NDRG4: variants seen among roughly 807,000 people sequenced by gnomAD.
The protein encoded by NDRG4 is protein NDRG4.
In NDRG4, 38 loss-of-function variants were observed where a neutral mutation model predicts 55.8. The observed-to-expected ratio is 0.68, with a 90% CI of 0.53 to 0.89. NDRG4 has a LOEUF of 0.89. NDRG4 is among the 40% of genes least tolerant of loss of function. The pLI is 0.00. For synonymous variants in NDRG4, 190 were observed against 182.7 expected (o/e 1.04, Z -0.32); for missense variants, 455 against 468.6 (o/e 0.97, Z 0.27).
At chr16:58,489,065 G>A (rs919557328) in intron 2 of NDRG4, among the ~76,000 whole-genome samples, 3 of 152,068 alleles carry the variant, frequency 2.0e-5, no homozygotes, top group Middle Eastern at 3.2e-3. Flanking sequence ...TTGGGAGGCC[G>A]AGGTGGGCAG....
upstream of NDRG4, chr16:58,500,063 T>C: frequency 6.8e-7 from 1 of 1,463,274 alleles, no homozygotes; most frequent in East Asian, 2.6e-5. Flanking sequence ...GAGTGGCTGC[T>C]CAGAAACCCT....
At chr16:58,491,418 T>C (rs2035774182) in intron 2 of NDRG4, among the ~76,000 whole-genome samples, 1 of 152,022 alleles carries the variant, frequency 6.6e-6, no homozygotes, top group African/African-American at 2.4e-5. Flanking sequence ...CGATTCTCCT[T>C]TTCCAGCTGC....
rs758068015 is a variant in NDRG4 at position 58,507,871 on chromosome 16, G to A, written c.677+7G>A. On this transcript the variant is annotated splice_region_variant and intron_variant, in intron 9 of 14. Coordinates refer to ENST00000570248, the MANE Select transcript of NDRG4 (RefSeq NM_001242835.2). ...CCAATGCCAAGACGCTCCGGTGAGT[G>A]GCCCCTGGCCCTCTGGCCTGCCCTG... The A allele has an allele frequency of 1.9e-6, 3 of 1,614,034 alleles. No homozygotes were observed. The highest frequency in any genetic ancestry group is 2.5e-6 in the Non-Finnish European group (3 of 1,179,992).
intron 7 of NDRG4, 47 bp from the exon 8 acceptor site, chr16:58,506,865 C>T (rs1567349807): frequency 1.3e-6 from 2 of 1,546,734 alleles, no homozygotes; most frequent in East Asian, 2.3e-5. Flanking sequence ...AGCCTGCGTC[C>T]CTCTGTCTGC....
intron 1 of NDRG4, among the ~76,000 whole-genome samples, chr16:58,479,909 C>T (rs4784044): frequency 0.78 from 119,251 of 152,078 alleles, 49,598 homozygotes; most frequent in Non-Finnish European, 0.92. Flanking sequence ...TCCAGACCTT[C>T]GCCCACTTTT....
rs1289044311 is a variant in NDRG4, at chr16:58,511,707, G to A, written c.*131G>A. The A allele has an allele frequency of 3.6e-6, 4 of 1,105,616 alleles. No individual in the cohort carries two copies. The highest frequency in any genetic ancestry group is 3.8e-5 in the Admixed American group (2 of 52,946). 68.5% of individuals were successfully genotyped at this position (1,105,616 alleles called of 1,614,324 possible). Reference sequence around the variant, plus strand: ...GGGGTTCTGTTTGAAAAAAATGAGGGGATCTTAGATGCTGCAGCAGAACAG... The same window carrying A: ...GGGGTTCTGTTTGAAAAAAATGAGGAGATCTTAGATGCTGCAGCAGAACAG... On this transcript the variant is annotated 3_prime_UTR_variant, in exon 15 of 15. Transcript: ENST00000570248.
chr16:58,474,396 C>G (rs1044845438), intron 1 of NDRG4, among the ~76,000 whole-genome samples: 6 of 152,188 alleles, frequency 3.9e-5, no homozygotes, highest in African/African-American at 1.4e-4. Context: ...GCGCCTGCCT[C>G]CTGGCCTTTG....
intron 5 of NDRG4, among the ~76,000 whole-genome samples, chr16:58,505,241 C>T (rs980147341): frequency 1.2e-4 from 18 of 151,394 alleles, no homozygotes; most frequent in African/African-American, 1.5e-4. Context: ...CCCAGCTACT[C>T]GGGAGGCTGA....
intron 1 of NDRG4, among the ~76,000 whole-genome samples, chr16:58,475,419 G>T (rs558054864): frequency 6.6e-6 from 1 of 152,140 alleles, no homozygotes; most frequent in Admixed American, 6.5e-5. Context: ...GGAAGTTGCA[G>T]GTTTGCTCTA....
intron 1 of NDRG4, among the ~76,000 whole-genome samples, chr16:58,465,664 T>C (rs998627750): frequency 6.6e-6 from 1 of 152,072 alleles, no homozygotes; most frequent in African/African-American, 2.4e-5. Context: ...TTTGTGAGGC[T>C]GAGGCCAGAG....
In NDRG4 at chr16:58,506,632, T is replaced by G; in HGVS notation, c.516+18T>G. ...TCAGCCAGGTAAGGGGGGGAACTTC[T>G]GCAGATCTGGGGTGATCTGGGATTT... On this transcript the variant is annotated intron_variant, in intron 7 of 14. Transcript: ENST00000570248. The G allele has an allele frequency of 6.5e-7, 1 of 1,546,320 alleles. No homozygotes were observed. Among genetic ancestry groups the G allele is most frequent in the Non-Finnish European group, 8.7e-7 (1 of 1,146,968 alleles).
At chr16:58,487,539 C>G (rs12599041) in intron 1 of NDRG4, among the ~76,000 whole-genome samples, 5 of 152,206 alleles carry the variant, frequency 3.3e-5, no homozygotes. Flanking sequence ...AAAAGAAAAA[C>G]GGAAAAACAA....
intron 2 of NDRG4, among the ~76,000 whole-genome samples, chr16:58,491,928 T>A (rs1169677922): frequency 6.6e-6 from 1 of 152,166 alleles, no homozygotes; most frequent in Non-Finnish European, 1.5e-5. Context: ...ACTACAGGCA[T>A]GCACCACCAT....
At chr16:58,475,720 T>C (rs2033532298) in intron 1 of NDRG4, 1 of 452,136 alleles carries the variant, frequency 2.2e-6, no homozygotes, top group Admixed American at 2.4e-5. Context: ...CCTTTGAGCC[T>C]AAAATGGCTG....
At chr16:58,480,104 T>G (rs931421750) in intron 1 of NDRG4, among the ~76,000 whole-genome samples, 1 of 152,270 alleles carries the variant, frequency 6.6e-6, no homozygotes, top group Admixed American at 6.5e-5. Context: ...AGGCTGCATC[T>G]GCCCCTCCGA....
intron 4 of NDRG4, 78 bp downstream of exon 4, chr16:58,504,499 G>A (rs1443137442): frequency 1.2e-6 from 2 of 1,611,766 alleles, no homozygotes; most frequent in Non-Finnish European, 1.7e-6. Context: ...TCCAGCTGAG[G>A]GCTTCAGGCT....
intron 5 of NDRG4, among the ~76,000 whole-genome samples, chr16:58,505,229 G>A (rs931414117): frequency 6.6e-5 from 10 of 151,502 alleles, no homozygotes; most frequent in Non-Finnish European, 1.3e-4. Flanking sequence ...GGCGCCTGTA[G>A]TCCCAGCTAC....
upstream of NDRG4, among the ~76,000 whole-genome samples, chr16:58,495,737 C>T (rs896953752): frequency 6.6e-6 from 1 of 152,220 alleles, no homozygotes; most frequent in African/African-American, 2.4e-5. Flanking sequence ...AGAATCTGGG[C>T]CTGTGTGCTG....
At chr16:58,504,671 T>C (rs2037616253) in intron 5 of NDRG4, 22 bp downstream of exon 5, 10 of 1,613,920 alleles carry the variant, frequency 6.2e-6, no homozygotes, top group Non-Finnish European at 8.5e-6. Flanking sequence ...CATGCCCCCA[T>C]TACCCCAAAC....
Sources: gnomAD v4.1 joint callset for allele counts (sites outside exome capture counted in the v4.1 genomes callset) on GRCh38, gnomAD v4.1.1 for gene constraint, MANE v1.5 for transcripts, NCBI Gene and HGNC (gene_info 2026-07-23, HGNC 2026-07-21) for gene names.